Variants in GNAQ observed in about 807,000 individuals in gnomAD.
GNAQ encodes the protein G protein subunit alpha q.
A neutral mutation model predicts 43.9 loss-of-function variants in GNAQ; 8 were observed. That is an observed-to-expected ratio of 0.18 (90% CI 0.11 to 0.33). GNAQ has a LOEUF of 0.33. Ranked by LOEUF, GNAQ falls within the 10% of genes least tolerant of loss-of-function variation. GNAQ has a pLI of 1.00. For synonymous variants in GNAQ, 155 were observed against 170.7 expected, an observed-to-expected ratio of 0.91 and a Z score of 0.71; for missense variants, 158 against 450.8, an observed-to-expected ratio of 0.35 and a Z score of 5.88.
chr9:77,771,845 T>G (rs1210750787), intron 5 of GNAQ, among the ~76,000 whole-genome samples: 1 of 152,098 alleles, frequency 6.6e-6, no homozygotes, highest in African/African-American at 2.4e-5. Flanking sequence ...TTACTTTACC[T>G]TAAATTGTGT....
intron 5 of GNAQ, among the ~76,000 whole-genome samples, chr9:77,744,274 A>T (rs985621789): frequency 6.6e-6 from 1 of 152,170 alleles, no homozygotes; most frequent in Non-Finnish European, 1.5e-5. Flanking sequence ...GCATCCAGGA[A>T]CCAGGACTAA....
At chr9:77,783,497 C>G (rs1028447201) in intron 5 of GNAQ, among the ~76,000 whole-genome samples, 1 of 152,170 alleles carries the variant, frequency 6.6e-6, no homozygotes, top group Non-Finnish European at 1.5e-5. Flanking sequence ...TCTTCTGTCT[C>G]TACAGACTCT....
At chr9:77,759,888 CTCTT>C (rs1441869880) in intron 5 of GNAQ, among the ~76,000 whole-genome samples, 3 of 110,090 alleles carry the variant, frequency 2.7e-5, no homozygotes, top group Non-Finnish European at 6.2e-5. Flanking sequence ...CTTTTTCTCT[CTCTT>C]TTTTTCTTTC....
Position 77,922,212 on chromosome 9 carries a change from C to T in GNAQ, c.270G>A (p.Met90Ile), listed in dbSNP as rs1829009179. The T allele has an allele frequency of 6.2e-7, 1 of 1,613,844 alleles. No homozygotes were observed. Among genetic ancestry groups the T allele is most frequent in the Non-Finnish European group, 8.5e-7 (1 of 1,179,760 alleles). The change falls in exon 2 of 7, where the codon ATG (methionine) becomes ATA (isoleucine). Residue 90 changes from methionine (M) to isoleucine (I), a missense_variant. Transcript: ENST00000286548. The part of the protein sequence containing the change: ...YQNIFTAMQA[M>I]IRAMDTLKIP... ...TCTTGAGTGTGTCCATGGCTCTGATCATGGCCTGCATGGCCGTGAAGATGT... is the reference window on the plus strand; with the variant it reads ...TCTTGAGTGTGTCCATGGCTCTGATTATGGCCTGCATGGCCGTGAAGATGT...
chr9:77,799,135 G>A (rs992295113), intron 3 of GNAQ, among the ~76,000 whole-genome samples: 1 of 152,170 alleles, frequency 6.6e-6, no homozygotes, highest in African/African-American at 2.4e-5. Flanking sequence ...ATTTCAAAGA[G>A]TAACTGTGTT....
intron 5 of GNAQ, among the ~76,000 whole-genome samples, chr9:77,760,914 T>G: frequency 7.1e-6 from 1 of 140,334 alleles, no homozygotes; most frequent in African/African-American, 2.7e-5. Context: ...GTCTGGGAGG[T>G]GAGGAGCATC....
intron 6 of GNAQ, among the ~76,000 whole-genome samples, chr9:77,724,988 C>T (rs1255917580): frequency 1.3e-5 from 2 of 152,044 alleles, no homozygotes; most frequent in African/African-American, 4.8e-5. Flanking sequence ...GGAGAAGTCT[C>T]TCATTTCATA....
intron 5 of GNAQ, among the ~76,000 whole-genome samples, chr9:77,756,833 G>A (rs926720307): frequency 1.3e-5 from 2 of 152,080 alleles, no homozygotes; most frequent in Non-Finnish European, 1.5e-5. Context: ...AAATGAGAAG[G>A]GTAACTAAAA....
At chr9:77,749,531 C>T (rs930353700) in intron 5 of GNAQ, among the ~76,000 whole-genome samples, 3 of 152,142 alleles carry the variant, frequency 2.0e-5, no homozygotes, top group African/African-American at 7.2e-5. Flanking sequence ...CATTTATTTC[C>T]ATAAATAATA....
intron 1 of GNAQ, among the ~76,000 whole-genome samples, chr9:78,020,018 A>G (rs1187292976): frequency 2.0e-5 from 3 of 152,112 alleles, no homozygotes; most frequent in African/African-American, 4.8e-5. Flanking sequence ...GTAATGGCCC[A>G]GAACATGAAA....
At chr9:77,757,444 A>G (rs1372835302) in intron 5 of GNAQ, among the ~76,000 whole-genome samples, 1 of 152,200 alleles carries the variant, frequency 6.6e-6, no homozygotes, top group Non-Finnish European at 1.5e-5. Flanking sequence ...TGACTAAGTC[A>G]TTCGCTCTCT....
At chr9:77,855,630 C>T (rs1827741944) in intron 2 of GNAQ, among the ~76,000 whole-genome samples, 1 of 151,744 alleles carries the variant, frequency 6.6e-6, no homozygotes, top group African/African-American at 2.4e-5. Flanking sequence ...ATATGATTAC[C>T]CACAGCAAGA....
At chr9:77,839,732 G>C (rs563175190) in intron 2 of GNAQ, among the ~76,000 whole-genome samples, 10 of 152,140 alleles carry the variant, frequency 6.6e-5, no homozygotes, top group Non-Finnish European at 1.2e-4. Flanking sequence ...ACTTTAACTT[G>C]GAGGAAACAC....
intron 2 of GNAQ, among the ~76,000 whole-genome samples, chr9:77,918,875 G>A (rs1369092925): frequency 3.3e-5 from 5 of 152,090 alleles, no homozygotes; most frequent in African/African-American, 7.2e-5. Context: ...TAATCATTTC[G>A]ACAAGTTTAG....
intron 2 of GNAQ, among the ~76,000 whole-genome samples, chr9:77,893,638 C>A (rs1587392000): frequency 1.3e-5 from 2 of 152,182 alleles, no homozygotes; most frequent in Non-Finnish European, 2.9e-5. Context: ...TTATTTCTTG[C>A]TCGAGCTCCA....
chr9:77,931,924 A>G (rs1353771812), intron 1 of GNAQ, among the ~76,000 whole-genome samples: 3 of 142,950 alleles, frequency 2.1e-5, no homozygotes, highest in African/African-American at 5.0e-5. Flanking sequence ...AAAATGAGAG[A>G]GTAGTCTGAT....
intron 5 of GNAQ, among the ~76,000 whole-genome samples, chr9:77,775,025 G>T (rs895881030): frequency 3.9e-5 from 6 of 152,156 alleles, no homozygotes; most frequent in African/African-American, 7.2e-5. Context: ...TTAAAAATCA[G>T]ATGCATGCTG....
chr9:78,026,366 G>C (rs554921849), intron 1 of GNAQ, among the ~76,000 whole-genome samples: 16 of 152,020 alleles, frequency 1.1e-4, no homozygotes, highest in South Asian at 4.1e-4. Context: ...TTTTTATGAG[G>C]GATGTTCCCA....
intron 2 of GNAQ, among the ~76,000 whole-genome samples, chr9:77,848,124 CCT>C (rs776367485): frequency 4.6e-5 from 7 of 152,204 alleles, no homozygotes; most frequent in Non-Finnish European, 5.9e-5. Flanking sequence ...CCCACCTACC[CCT>C]GTCTCCTTGG....
Sources: allele counts gnomAD v4.1 joint callset (sites outside exome capture counted in the v4.1 genomes callset), GRCh38; gene constraint gnomAD v4.1.1; transcripts MANE v1.5; gene names NCBI Gene and HGNC (gene_info 2026-07-23, HGNC 2026-07-21).